Variants in NADSYN1 observed in about 807,000 individuals in gnomAD.
The protein encoded by NADSYN1 is glutamine-dependent NAD(+) synthetase.
NADSYN1 carries 80 observed loss-of-function variants against 99.3 expected under a neutral mutation model. That is an observed-to-expected ratio of 0.81 (90% confidence interval 0.67 to 0.97). NADSYN1 has a LOEUF of 0.97. NADSYN1 is among the 50% of genes least tolerant of loss of function. NADSYN1 has a pLI of 0.00. For missense variants in NADSYN1, 859 were observed against 948.5 expected, an observed-to-expected ratio of 0.91 and a Z score of 1.24; for synonymous variants, 385 against 372.1, an observed-to-expected ratio of 1.03 and a Z score of -0.40.
At chr11:71,484,569 T>C in intron 15 of NADSYN1, 122 bp downstream of exon 15, 1 of 1,388,006 alleles carries the variant, frequency 7.2e-7, no homozygotes, top group Non-Finnish European at 9.6e-7. Flanking sequence ...ATGGCACCGG[T>C]TACCTAGGGA....
chr11:71,491,764 GGGATTCTCTCC>G, intron 17 of NADSYN1, 59 bp from the exon 18 acceptor site: 3 of 1,429,660 alleles, frequency 2.1e-6, no homozygotes, highest in Non-Finnish European at 2.9e-6. Context: ...ACTTAGTCTG[GGGATTCTCTCC>G]CAGAGCTCAC....
Position 71,484,703 on chromosome 11 carries a change from G to T in NADSYN1, c.1455+256G>T. On this transcript the variant is annotated intron_variant, in intron 15 of 20. Coordinates refer to ENST00000319023, the MANE Select transcript of NADSYN1 (RefSeq NM_018161.5). ...GCATGTGATGTGTAAGAGCAAGAGC[G>T]GGGGTGTAAGGATGTGCGTGCTCGA... 3 of 496,394 alleles carry T rather than the reference G, an allele frequency of 6.0e-6. No individual in the cohort carries two copies. In the South Asian group the frequency reaches 6.9e-5, roughly 11 times the overall value. 30.7% of individuals were successfully genotyped at this position (496,394 alleles called of 1,614,324 possible).
intron 19 of NADSYN1, 123 bp from the exon 20 acceptor site, chr11:71,498,229 G>A (rs930523183): frequency 1.2e-5 from 13 of 1,110,076 alleles, no homozygotes; most frequent in Admixed American, 2.5e-5. Flanking sequence ...ACCTGCCATC[G>A]TGGAAGGTCC....
At position 71,481,742 on chromosome 11, in the gene NADSYN1, C is replaced by T. The variant is rs117678229; in HGVS notation, c.1048-181C>T. On this transcript the variant is annotated intron_variant, in intron 12 of 20. Transcript: ENST00000319023. ...GCCCCGCAGTGAAGTGTCTTTTTTC[C>T]CTCTGAAAAATCCATTCATCCTGCC... The T allele has an allele frequency of 9.8e-4, 602 of 615,876 alleles. 7 individuals are homozygous for T. In the East Asian group the frequency reaches 0.014, roughly 15 times the overall value. 38.2% of individuals were successfully genotyped at this position (615,876 alleles called of 1,614,324 possible). A position where few individuals can be genotyped will look rare whatever the true frequency, so the allele number is the denominator to read the frequency against.
At chr11:71,499,019 A>G (rs1213347473) in intron 20 of NADSYN1, 1 of 155,322 alleles carries the variant, frequency 6.4e-6, no homozygotes, top group African/African-American at 2.4e-5. Context: ...TCAAGATTCC[A>G]CAGACGAATC....
intron 17 of NADSYN1, 73 bp downstream of exon 17, chr11:71,491,049 C>G (rs1416121979): frequency 3.8e-6 from 6 of 1,589,818 alleles, no homozygotes; most frequent in Non-Finnish European, 5.1e-6. Flanking sequence ...CCACCCTGGC[C>G]CACACTCAGG....
At chr11:71,485,866 T>C (rs999549230) in intron 16 of NADSYN1, among the ~76,000 whole-genome samples, 5 of 152,144 alleles carry the variant, frequency 3.3e-5, no homozygotes, top group African/African-American at 7.2e-5. Context: ...TCATCAGCCT[T>C]GTGGTTCTTC....
In NADSYN1 at chr11:71,501,618, AG is replaced by A. The variant is rs1949858333; in HGVS notation, c.*267del. 2 of 508,084 alleles carry A rather than the reference AG, an allele frequency of 3.9e-6. No homozygotes were observed. The highest frequency in any genetic ancestry group is 3.9e-5 in the African/African-American group (2 of 51,462). The allele number at this position is 508,084 out of a possible 1,614,324, so 31.5% of individuals were successfully genotyped here. On this transcript the variant is annotated 3_prime_UTR_variant, in exon 21 of 21. Transcript: ENST00000319023. ...GCGAAGTCTGGCATTCTCCGAAGGAAGCCGCCTGGGTAGGAGGGTTCCAACC... is the reference window on the plus strand; with the variant it reads ...GCGAAGTCTGGCATTCTCCGAAGGAACCGCCTGGGTAGGAGGGTTCCAACC...
intron 20 of NADSYN1, 22 bp from the exon 21 acceptor site, chr11:71,501,280 T>C: frequency 1.3e-6 from 2 of 1,547,292 alleles, no homozygotes; most frequent in Non-Finnish European, 1.7e-6. Context: ...GGGGCTGTGG[T>C]GTCACAGGCC....
rs7114825 is a variant in NADSYN1 at position 71,496,176 on chromosome 11, C to T, written c.1765-1307C>T. Among the ~76,000 whole-genome samples the T allele has an allele frequency of 9.2e-3, 1,407 of 152,220 alleles. 22 individuals carry two copies. The highest frequency in any genetic ancestry group is 0.031 in the African/African-American group (1,301 of 41,520). ...GCTACTGTCACTAATGACCCAGTGG[C>T]GTAAAACAACAGGAATTGCTTCCCT... On this transcript the variant is annotated intron_variant, in intron 18 of 20. Transcript: ENST00000319023.
chr11:71,491,868 C>T lies in NADSYN1; in HGVS notation c.1729C>T (p.Pro577Ser). 1 of 1,614,078 alleles carries T rather than the reference C, an allele frequency of 6.2e-7. No individual in the cohort carries two copies. Among genetic ancestry groups the T allele is most frequent in the Non-Finnish European group, 8.5e-7 (1 of 1,180,014 alleles). Reference sequence around the variant, plus strand: ...GGCGCCGGCCACCGCAGAGCTGGAGCCCTTGGCTGATGGACAGGTGTCCCA... The same window carrying T: ...GGCGCCGGCCACCGCAGAGCTGGAGTCCTTGGCTGATGGACAGGTGTCCCA... The part of the protein sequence containing the change: ...LLAPATAELE[P>S]LADGQVSQTD... The change falls in exon 18 of 21, where the codon CCC becomes TCC. Residue 577 changes from proline (P) to serine (S), a missense_variant. Pro to Ser is a moderately conservative substitution (Grantham distance 74). Coordinates refer to ENST00000319023, the MANE Select transcript of NADSYN1 (RefSeq NM_018161.5).
At chr11:71,476,689 C>A in intron 9 of NADSYN1, 1 of 971,336 alleles carries the variant, frequency 1.0e-6, no homozygotes, top group African/African-American at 1.9e-5. Context: ...GGATTAAGTT[C>A]CTGCTGATGG....
chr11:71,482,250 T>A (rs944207181), intron 13 of NADSYN1, among the ~76,000 whole-genome samples: 2 of 152,194 alleles, frequency 1.3e-5, no homozygotes, highest in African/African-American at 4.8e-5. Context: ...TGGCTGAGTC[T>A]CCAGAGCTGT....
Position 71,482,890 on chromosome 11 carries a change from A to T in NADSYN1, c.1192A>T (p.Ile398Phe). 6.2e-7 allele frequency: 1 copy of T among 1,613,160 alleles called. No individual in the cohort carries two copies. Among genetic ancestry groups the T allele is most frequent in the Middle Eastern group, 1.7e-4 (1 of 5,726 alleles). Residue 398 changes from isoleucine (I) to phenylalanine (F), a missense_variant, in exon 14 of 21, where the codon ATC (isoleucine) becomes TTC (phenylalanine). Ile to Phe is a conservative substitution (Grantham distance 21, BLOSUM62 0). Coordinates refer to ENST00000319023, the MANE Select transcript of NADSYN1 (RefSeq NM_018161.5). Reference protein sequence around the residue: ...LADVRTIVNQISYTPQDPRDL... With the variant: ...LADVRTIVNQFSYTPQDPRDL... ...TGATGTCCGCACCATCGTGAACCAG[A>T]TCAGCTACACCCCCCAGGATCCCCG... is the stretch of plus-strand genomic sequence containing the variant.
At chr11:71,493,829 A>ATTTTT (rs1293483731) in intron 18 of NADSYN1, among the ~76,000 whole-genome samples, 5 of 152,054 alleles carry the variant, frequency 3.3e-5, no homozygotes, top group African/African-American at 9.7e-5. Flanking sequence ...ATTTTTTTTA[A>ATTTTT]TTAAAAAGTT....
chr11:71,483,152 G>A, intron 14 of NADSYN1, 135 bp downstream of exon 14: 2 of 1,090,352 alleles, frequency 1.8e-6, no homozygotes, highest in Non-Finnish European at 2.7e-6. Context: ...GGATAAACGT[G>A]TAAGTGCTCC....
intron 5 of NADSYN1, among the ~76,000 whole-genome samples, chr11:71,469,719 A>G (rs1949614682): frequency 6.6e-6 from 1 of 152,128 alleles, no homozygotes; most frequent in African/African-American, 2.4e-5. Context: ...TGGGAAGCCA[A>G]CAACCTTCAG....
intron 10 of NADSYN1, 22 bp downstream of exon 10, chr11:71,478,491 T>G: frequency 6.3e-7 from 1 of 1,580,396 alleles, no homozygotes; most frequent in Non-Finnish European, 8.6e-7. Context: ...AGTAGACACC[T>G]GTGTGGGATG....
In NADSYN1 at chr11:71,473,588, C is replaced by G; in HGVS notation, c.568C>G (p.Leu190Val). The G allele has an allele frequency of 6.2e-7, 1 of 1,612,252 alleles. No individual in the cohort carries two copies. The highest frequency in any genetic ancestry group is 8.5e-7 in the Non-Finnish European group (1 of 1,179,320). The change falls in exon 8 of 21, where the codon CTG (leucine) becomes GTG (valine). Residue 190 changes from leucine (L) to valine (V), a missense_variant. Leu to Val is a conservative substitution (Grantham distance 32, BLOSUM62 1). Transcript: ENST00000319023. ...TPHSPHIDMGLDGVEIITNAS... is the reference protein window; with the variant it reads ...TPHSPHIDMGVDGVEIITNAS... ...CTGCAGCCCGCACATCGACATGGGC[C>G]TGGATGGCGTGGAGATCATCACCAA...
Sources: gnomAD v4.1 joint callset for allele counts (sites outside exome capture counted in the v4.1 genomes callset) on GRCh38, gnomAD v4.1.1 for gene constraint, MANE v1.5 for transcripts, NCBI Gene and HGNC (gene_info 2026-07-23, HGNC 2026-07-21) for gene names.